Variants in AIG1 observed in about 807,000 individuals in gnomAD.
AIG1 encodes androgen induced 1, also known as androgen-induced gene 1 protein.
Under a neutral mutation model 31.4 loss-of-function variants are expected in AIG1, and 23 were observed. That is an observed-to-expected ratio of 0.73 (90% confidence interval 0.53 to 1.04). The LOEUF (loss-of-function observed/expected upper bound fraction) is 1.04, where lower values mean the gene tolerates loss of function less well. Ranked by LOEUF, AIG1 falls within the 50% of genes least tolerant of loss-of-function variation. The probability of loss-of-function intolerance (pLI) is 0.00; values close to 1 mark genes in which losing one functional copy is unlikely to be tolerated. For missense variants in AIG1, 274 were observed against 295.0 expected (o/e 0.93, Z 0.52); for synonymous variants, 100 against 110.5 (o/e 0.90, Z 0.60).
intron 1 of AIG1, among the ~76,000 whole-genome samples, chr6:143,128,694 G>A (rs1782915150): frequency 6.6e-6 from 1 of 152,212 alleles, no homozygotes; most frequent in South Asian, 2.1e-4. Flanking sequence ...ATTTTAAGTT[G>A]CAGTGGTCAG....
At chr6:143,249,109 G>A (rs973554051) in intron 3 of AIG1, among the ~76,000 whole-genome samples, 2 of 152,166 alleles carry the variant, frequency 1.3e-5, no homozygotes, top group African/African-American at 4.8e-5. Context: ...TAATTTGATT[G>A]TCACTTGTAA....
intron 1 of AIG1, among the ~76,000 whole-genome samples, chr6:143,096,482 C>G (rs1322252113): frequency 6.6e-6 from 1 of 152,180 alleles, no homozygotes; most frequent in African/African-American, 2.4e-5. Context: ...TTAGGCCTAT[C>G]TAGCATGAGA....
chr6:143,278,040 G>T (rs373007546), intron 3 of AIG1, among the ~76,000 whole-genome samples: 221 of 152,314 alleles, frequency 1.5e-3, no homozygotes, highest in African/African-American at 4.9e-3. Context: ...AAACTTCTCT[G>T]TAGTTTATAG....
intron 3 of AIG1, among the ~76,000 whole-genome samples, chr6:143,273,080 GATC>G (rs1164222812): frequency 6.6e-6 from 1 of 152,134 alleles, no homozygotes; most frequent in Non-Finnish European, 1.5e-5. Context: ...AGTGAGCTGA[GATC>G]ATGCCATTGC....
At chr6:143,259,419 A>T (rs1475336673) in intron 3 of AIG1, among the ~76,000 whole-genome samples, 1 of 151,774 alleles carries the variant, frequency 6.6e-6, no homozygotes, top group Non-Finnish European at 1.5e-5. Context: ...TTTTCCTTTC[A>T]TCTCTTTGGC....
intron 4 of AIG1, among the ~76,000 whole-genome samples, chr6:143,302,650 G>C (rs1385785388): frequency 7.2e-5 from 11 of 152,116 alleles, no homozygotes; most frequent in Admixed American, 7.2e-4. Context: ...TTGGTTCCAA[G>C]TCTTTGCTAT....
At chr6:143,073,092 A>AT (rs1046305729) in intron 1 of AIG1, among the ~76,000 whole-genome samples, 3 of 151,764 alleles carry the variant, frequency 2.0e-5, no homozygotes, top group Non-Finnish European at 4.4e-5. Flanking sequence ...GTATATTTGA[A>AT]TTTTTTTTGG....
intron 2 of AIG1, among the ~76,000 whole-genome samples, chr6:143,154,441 G>C (rs1277434096): frequency 6.6e-6 from 1 of 152,162 alleles, no homozygotes; most frequent in African/African-American, 2.4e-5. Flanking sequence ...AGTTAAGGTT[G>C]TGGGGAGGGT....
At chr6:143,181,346 A>G (rs373532841) in intron 3 of AIG1, among the ~76,000 whole-genome samples, 1 of 152,188 alleles carries the variant, frequency 6.6e-6, no homozygotes, top group African/African-American at 2.4e-5. Context: ...AAAACCAGGA[A>G]CAAGGAGAGT....
At chr6:143,227,365 C>T (rs1005263419) in intron 3 of AIG1, among the ~76,000 whole-genome samples, 5 of 152,026 alleles carry the variant, frequency 3.3e-5, no homozygotes, top group Non-Finnish European at 5.9e-5. Context: ...ATTACAGCTG[C>T]CCCGTGCCCC....
At chr6:143,254,931 G>T (rs1352997109) in intron 3 of AIG1, among the ~76,000 whole-genome samples, 1 of 152,116 alleles carries the variant, frequency 6.6e-6, no homozygotes, top group Non-Finnish European at 1.5e-5. Context: ...CCAGCTGTCG[G>T]GAGGCTGAGG....
rs151076557 is a variant in AIG1 at position 143,113,380 on chromosome 6, G to A, written c.142-23455G>A. Among the ~76,000 whole-genome samples the A allele has an allele frequency of 1.7e-3, 257 of 151,972 alleles. 1 individual carries two copies. Among genetic ancestry groups the A allele is most frequent in the Non-Finnish European group, 3.1e-3 (209 of 67,928 alleles). On this transcript the variant is annotated intron_variant, in intron 1 of 5. Transcript: ENST00000357847. ...GGCACTTTGGGAGGCTGAGGTGGGC[G>A]GATCACGAGGTCAGGAGTTCGAGAC...
chr6:143,213,043 A>G (rs539211386), intron 3 of AIG1, among the ~76,000 whole-genome samples: 18 of 152,316 alleles, frequency 1.2e-4, no homozygotes, highest in African/African-American at 4.3e-4. Flanking sequence ...AATCTTAACA[A>G]ATATCAAAAT....
At chr6:143,130,009 C>A (rs1000871342) in intron 1 of AIG1, among the ~76,000 whole-genome samples, 1 of 149,974 alleles carries the variant, frequency 6.7e-6, no homozygotes, top group Non-Finnish European at 1.5e-5. Context: ...TGGCTCACTG[C>A]GACCTCTGCC....
At chr6:143,119,120 C>T (rs569970148) in intron 1 of AIG1, among the ~76,000 whole-genome samples, 111 of 152,160 alleles carry the variant, frequency 7.3e-4, no homozygotes, top group Non-Finnish European at 1.3e-3. Context: ...GGGATCCACC[C>T]TCCTTGGCCT....
intron 3 of AIG1, among the ~76,000 whole-genome samples, chr6:143,264,476 G>A (rs1038774659): frequency 9.2e-5 from 14 of 152,210 alleles, no homozygotes; most frequent in Admixed American, 8.5e-4. Context: ...GCAGGGCACG[G>A]GTGCCTGGCG....
chr6:143,338,611 T>G lies in AIG1; in HGVS notation c.680-1028T>G, dbSNP rs933360572. On this transcript the variant is annotated intron_variant, in intron 5 of 5. Coordinates refer to ENST00000357847, the MANE Select transcript of AIG1 (RefSeq NM_016108.4). The surrounding 1 kb of genome is among the most constrained non-coding windows in gnomAD (Gnocchi z 4.3). ...TATTGTGGAGTCCCATATTTTGTTC[T>G]GCTTTCCACTAGTCCAGGCTTCTGA... 6.6e-6 allele frequency: 1 copy of G among 152,198 alleles called. No individual in the cohort carries two copies. Among genetic ancestry groups the G allele is most frequent in the Non-Finnish European group, 1.5e-5 (1 of 68,042 alleles). The allele number at this position is 152,198 out of a possible 1,614,324, so 9.4% of individuals were successfully genotyped here.
At chr6:143,336,878 G>C (rs947310060) in intron 5 of AIG1, among the ~76,000 whole-genome samples, 2 of 152,156 alleles carry the variant, frequency 1.3e-5, no homozygotes, top group African/African-American at 2.4e-5. Context: ...TGGTGGGACA[G>C]GCATAGAATA....
At chr6:143,266,079 A>G (rs1347643537) in intron 3 of AIG1, among the ~76,000 whole-genome samples, 3 of 152,204 alleles carry the variant, frequency 2.0e-5, no homozygotes, top group Non-Finnish European at 2.9e-5. Flanking sequence ...GCTGGGCGCC[A>G]TGGCTCACGC....
Sources: allele counts gnomAD v4.1 joint callset (sites outside exome capture counted in the v4.1 genomes callset), GRCh38; gene constraint gnomAD v4.1.1; non-coding constraint Gnocchi (gnomAD v3.1); transcripts MANE v1.5; gene names NCBI Gene and HGNC (gene_info 2026-07-23, HGNC 2026-07-21).